The following L3MBTL4 variants were observed in gnomAD, a reference collection of about 807,000 sequenced individuals.
The protein encoded by L3MBTL4 is lethal(3)malignant brain tumor-like protein 4.
L3MBTL4 carries 70 observed loss-of-function variants against 84.5 expected under a neutral mutation model. The observed-to-expected ratio is 0.83, with a 90% confidence interval of 0.68 to 1.01. L3MBTL4 has a LOEUF of 1.01. Among genes scored for constraint, L3MBTL4 ranks in the 50% least tolerant of loss-of-function variants. L3MBTL4 has a pLI of 0.00. For missense variants in L3MBTL4, 715 were observed against 754.8 expected (o/e 0.95, Z 0.62); for synonymous variants, 274 against 259.8 (o/e 1.05, Z -0.52).
intron 10 of L3MBTL4, among the ~76,000 whole-genome samples, chr18:6,237,617 A>T (rs1312357321): frequency 6.6e-6 from 1 of 151,486 alleles, no homozygotes; most frequent in Non-Finnish European, 1.5e-5. Context: ...CACCACACCC[A>T]GCTAATTTTT....
Position 6,026,857 on chromosome 18 carries a change from G to A in L3MBTL4, c.1444+54024C>T, listed in dbSNP as rs563692353. 3.9e-5 allele frequency among the ~76,000 whole-genome samples: 6 copies of A among 152,138 alleles called. No homozygotes were observed. The South Asian group carries it at 1.2e-3, about 32-fold the overall frequency. On this transcript the variant is annotated intron_variant, in intron 16 of 18. Coordinates refer to ENST00000317931, the MANE Select transcript of L3MBTL4 (RefSeq NM_001330559.2). ...AATGGCTTACCAAAGGTCACATAAC[G>A]AATTGGTTTCTAAGCTAAGATCAAA...
intron 1 of L3MBTL4, among the ~76,000 whole-genome samples, chr18:6,389,682 C>A (rs1405609359): frequency 6.6e-6 from 1 of 152,046 alleles, no homozygotes; most frequent in Admixed American, 6.6e-5. Context: ...AACTTTAAAG[C>A]AATAGCAGTT....
chr18:5,969,703 A>G (rs2052543288), intron 16 of L3MBTL4, 141 bp from the exon 17 acceptor site: 1 of 745,554 alleles, frequency 1.3e-6, no homozygotes, highest in Non-Finnish European at 2.1e-6. Context: ...ATCGTACAGC[A>G]TCACCCCCAA....
At chr18:6,145,998 G>C (rs1185623221) in intron 13 of L3MBTL4, among the ~76,000 whole-genome samples, 4 of 152,222 alleles carry the variant, frequency 2.6e-5, no homozygotes, top group Non-Finnish European at 5.9e-5. Flanking sequence ...AAGACGGGGA[G>C]GCAGAGAAGG....
At chr18:6,306,334 A>G (rs549457116) in intron 3 of L3MBTL4, among the ~76,000 whole-genome samples, 64 of 152,210 alleles carry the variant, frequency 4.2e-4, no homozygotes, top group Non-Finnish European at 8.8e-4. Context: ...TTGTTCAAAT[A>G]CTTGATAATA....
intron 14 of L3MBTL4, among the ~76,000 whole-genome samples, chr18:6,131,511 G>C (rs1248468120): frequency 6.6e-6 from 1 of 151,794 alleles, no homozygotes; most frequent in African/African-American, 2.4e-5. Flanking sequence ...ACATATCTAT[G>C]ACAAGAGGAA....
chr18:6,161,329 C>G (rs972723863), intron 13 of L3MBTL4, among the ~76,000 whole-genome samples: 15 of 152,190 alleles, frequency 9.9e-5, no homozygotes, highest in African/African-American at 3.6e-4. Context: ...CCTGGTCATA[C>G]AAAATTGGAC....
intron 1 of L3MBTL4, among the ~76,000 whole-genome samples, chr18:6,324,749 ATC>A (rs2051625452): frequency 1.0e-5 from 1 of 98,780 alleles, no homozygotes; most frequent in Admixed American, 9.0e-5. Flanking sequence ...CCCAGCCTGG[ATC>A]ATCAGCCCAA....
intron 1 of L3MBTL4, among the ~76,000 whole-genome samples, chr18:6,381,496 T>C (rs2054593710): frequency 6.6e-6 from 1 of 152,262 alleles, no homozygotes; most frequent in African/African-American, 2.4e-5. Context: ...TGTTTAGTGC[T>C]TCCTTCAGGA....
chr18:6,227,133 C>T (rs1355588081), intron 10 of L3MBTL4, among the ~76,000 whole-genome samples: 1 of 152,014 alleles, frequency 6.6e-6, no homozygotes, highest in Non-Finnish European at 1.5e-5. Context: ...AAGAGTGCTT[C>T]AAAATATACA....
intron 13 of L3MBTL4, among the ~76,000 whole-genome samples, chr18:6,149,414 T>A (rs984839012): frequency 6.6e-6 from 1 of 151,950 alleles, no homozygotes; most frequent in Non-Finnish European, 1.5e-5. Context: ...TTCCATGGTG[T>A]ATATGTGCCA....
chr18:5,999,459 C>A (rs1385180394), intron 16 of L3MBTL4, among the ~76,000 whole-genome samples: 1 of 152,172 alleles, frequency 6.6e-6, no homozygotes, highest in Admixed American at 6.5e-5. Flanking sequence ...GCACGCCCTA[C>A]CTTCCTCAGA....
intron 4 of L3MBTL4, among the ~76,000 whole-genome samples, chr18:6,291,602 G>T (rs958292289): frequency 6.6e-6 from 1 of 152,078 alleles, no homozygotes; most frequent in African/African-American, 2.4e-5. Context: ...ATGGGGAAAG[G>T]ACATTCGCTT....
chr18:6,192,161 T>G (rs953164235), intron 12 of L3MBTL4, among the ~76,000 whole-genome samples: 1 of 152,158 alleles, frequency 6.6e-6, no homozygotes, highest in African/African-American at 2.4e-5. Flanking sequence ...GAAGAAACTG[T>G]TAGCAGAGGT....
chr18:6,029,452 G>C (rs2055670683), intron 16 of L3MBTL4: 1 of 968,984 alleles, frequency 1.0e-6, no homozygotes, highest in Non-Finnish European at 1.2e-6. Flanking sequence ...TTACAAATTA[G>C]AAGAGATTAC....
intron 16 of L3MBTL4, among the ~76,000 whole-genome samples, chr18:6,078,163 A>T (rs1248013297): frequency 6.6e-6 from 1 of 151,076 alleles, no homozygotes; most frequent in African/African-American, 2.4e-5. Context: ...GCAGTGGCTC[A>T]CACCTGTAAT....
chr18:6,197,529 T>C (rs1312274410), intron 12 of L3MBTL4, among the ~76,000 whole-genome samples: 1 of 152,214 alleles, frequency 6.6e-6, no homozygotes, highest in African/African-American at 2.4e-5. Context: ...GGCATTTGGG[T>C]TGATTCCACG....
At chr18:6,377,597 T>C (rs2054420782) in intron 1 of L3MBTL4, among the ~76,000 whole-genome samples, 1 of 152,170 alleles carries the variant, frequency 6.6e-6, no homozygotes, top group Admixed American at 6.5e-5. Flanking sequence ...CCTGTGTTAG[T>C]TTGCTGAGAA....
chr18:6,314,367 T>C (rs139164423), intron 1 of L3MBTL4, among the ~76,000 whole-genome samples: 174 of 152,202 alleles, frequency 1.1e-3, no homozygotes, highest in Non-Finnish European at 1.8e-3. Flanking sequence ...AATGTCAAAT[T>C]ATAAAACACA....
Sources: gnomAD v4.1 joint callset for allele counts (sites outside exome capture counted in the v4.1 genomes callset) on GRCh38, gnomAD v4.1.1 for gene constraint, MANE v1.5 for transcripts, NCBI Gene and HGNC (gene_info 2026-07-23, HGNC 2026-07-21) for gene names.